PTPRN2: variants seen among roughly 807,000 people sequenced by gnomAD.
PTPRN2 encodes the protein receptor-type tyrosine-protein phosphatase N2.
PTPRN2 carries 74 observed loss-of-function variants against 118.8 expected under a neutral mutation model. The observed-to-expected ratio is 0.62, with a 90% CI of 0.52 to 0.76. The LOEUF is 0.76. Ranked by LOEUF, PTPRN2 falls within the 30% of genes least tolerant of loss-of-function variation. PTPRN2 has a pLI of 0.00. For missense variants in PTPRN2, 1,481 were observed against 1,394.4 expected, an observed-to-expected ratio of 1.06 and a Z score of -0.99; for synonymous variants, 641 against 608.0, an observed-to-expected ratio of 1.05 and a Z score of -0.80.
chr7:158,483,777 TTTTC>T (rs1028115922), intron 2 of PTPRN2, among the ~76,000 whole-genome samples: 7 of 152,242 alleles, frequency 4.6e-5, no homozygotes, highest in East Asian at 3.8e-4. Flanking sequence ...CTCAGTTCTT[TTTTC>T]TTTCTTTTAA....
At chr7:158,455,865 C>CCCATCGCTCTGCAGAGAAGATAACAGCAT (rs1563314826) in intron 2 of PTPRN2, among the ~76,000 whole-genome samples, 1 of 112,872 alleles carries the variant, frequency 8.9e-6, no homozygotes, top group Non-Finnish European at 1.9e-5. Context: ...CATAACAGCA[C>CCCATCGCTCTGCAGAGAAGATAACAGCAT]GGATGCCATC....
intron 2 of PTPRN2, among the ~76,000 whole-genome samples, chr7:158,387,581 T>TCTCTGGGTCCTG (rs1811580085): frequency 1.7e-3 from 17 of 9,756 alleles, no homozygotes; most frequent in East Asian, 3.4e-3. Flanking sequence ...CAGCTCAGCT[T>TCTCTGGGTCCTG]GGCCCGGCCA....
At chr7:157,552,851 C>T (rs941215666) in intron 21 of PTPRN2, among the ~76,000 whole-genome samples, 3 of 152,172 alleles carry the variant, frequency 2.0e-5, no homozygotes, top group Non-Finnish European at 4.4e-5. Context: ...GCCAGCCTCA[C>T]CTCTGGAGGG....
chr7:157,863,717 G>A (rs953386045), intron 12 of PTPRN2: 2 of 152,198 alleles, frequency 1.3e-5, no homozygotes, highest in African/African-American at 4.8e-5. Flanking sequence ...AGGCGATGAA[G>A]GTAAAACAAG....
intron 11 of PTPRN2, among the ~76,000 whole-genome samples, chr7:157,947,045 C>T (rs995188124): frequency 6.6e-6 from 1 of 152,186 alleles, no homozygotes; most frequent in Non-Finnish European, 1.5e-5. Context: ...TTAGCTCAGA[C>T]AGACCAAGGC....
At chr7:157,913,996 T>C (rs1476733660) in intron 11 of PTPRN2, among the ~76,000 whole-genome samples, 2 of 152,260 alleles carry the variant, frequency 1.3e-5, no homozygotes, top group Non-Finnish European at 2.9e-5. Context: ...TACAGGGCTA[T>C]TGGAGTTTTT....
chr7:157,724,382 TC>T (rs1165375389), intron 12 of PTPRN2, among the ~76,000 whole-genome samples: 4 of 152,186 alleles, frequency 2.6e-5, no homozygotes, highest in Admixed American at 6.5e-5. Context: ...AGCCATCAGG[TC>T]ACTGAAAGCT....
At chr7:157,577,839 C>T (rs1585054644) in intron 18 of PTPRN2, among the ~76,000 whole-genome samples, 182 bp downstream of exon 18, 3 of 151,842 alleles carry the variant, frequency 2.0e-5, no homozygotes, top group Admixed American at 2.0e-4. Context: ...ACATGGGGTG[C>T]GCTGAGCCTC....
intron 3 of PTPRN2, among the ~76,000 whole-genome samples, chr7:158,212,482 AT>A (rs1200082487): frequency 6.6e-6 from 1 of 152,182 alleles, no homozygotes; most frequent in African/African-American, 2.4e-5. Flanking sequence ...CTGTATCAAA[AT>A]ATCCCATGTA....
At chr7:157,644,809 A>AC (rs995164267) in intron 14 of PTPRN2, among the ~76,000 whole-genome samples, 106 of 130,558 alleles carry the variant, frequency 8.1e-4, no homozygotes, top group African/African-American at 2.7e-3. Flanking sequence ...AAACAAAAAA[A>AC]AAAAAACAAA....
intron 2 of PTPRN2, among the ~76,000 whole-genome samples, chr7:158,441,759 T>C (rs1188269447): frequency 6.4e-5 from 9 of 141,730 alleles, no homozygotes; most frequent in East Asian, 6.2e-4. Flanking sequence ...ATAGTGATAG[T>C]GATGGTCATG....
chr7:157,859,641 G>A (rs530749319), intron 12 of PTPRN2, among the ~76,000 whole-genome samples: 18 of 22,628 alleles, frequency 8.0e-4, no homozygotes, highest in African/African-American at 4.6e-3. Context: ...TGCAGGGAGA[G>A]CCCCGTCACC....
chr7:157,567,650 T>C (rs192601861), intron 21 of PTPRN2, among the ~76,000 whole-genome samples: 82 of 152,254 alleles, frequency 5.4e-4, no homozygotes, highest in African/African-American at 1.8e-3. Context: ...CTCCTGTCAC[T>C]GGGCCAGTGA....
chr7:157,907,193 C>T (rs1797820201), intron 11 of PTPRN2, among the ~76,000 whole-genome samples: 1 of 152,180 alleles, frequency 6.6e-6, no homozygotes, highest in Non-Finnish European at 1.5e-5. Context: ...GCAGTGTGGC[C>T]CGAGGGTGAG....
intron 12 of PTPRN2, among the ~76,000 whole-genome samples, chr7:157,694,232 G>A (rs1245498562): frequency 6.6e-6 from 1 of 152,232 alleles, no homozygotes; most frequent in Non-Finnish European, 1.5e-5. Context: ...ATGGGTGGGA[G>A]GTGGCACCAA....
chr7:158,085,381 TGCCCATCCACACCCACGAC>T (rs1261964601), intron 10 of PTPRN2, among the ~76,000 whole-genome samples: 51 of 11,282 alleles, frequency 4.5e-3, no homozygotes, highest in Admixed American at 7.7e-3. Flanking sequence ...CATCCACACA[TGCCCATCCACACCCACGAC>T]GCCCATCCAC....
chr7:158,585,464 G>A (rs181737237), intron 1 of PTPRN2, among the ~76,000 whole-genome samples: 94 of 152,264 alleles, frequency 6.2e-4, no homozygotes, highest in South Asian at 1.0e-3. Context: ...CAAAATAAGT[G>A]TGTCCATAAG....
intron 15 of PTPRN2, among the ~76,000 whole-genome samples, chr7:157,612,966 GAC>G (rs1315945397): frequency 6.6e-6 from 1 of 152,152 alleles, no homozygotes; most frequent in Admixed American, 6.5e-5. Flanking sequence ...GCTCCGTGAA[GAC>G]ACAGCAGCTC....
At chr7:157,980,941 T>C (rs541741630) in intron 11 of PTPRN2, among the ~76,000 whole-genome samples, 3 of 149,936 alleles carry the variant, frequency 2.0e-5, no homozygotes, top group Non-Finnish European at 4.5e-5. Flanking sequence ...GAGGGATAAG[T>C]AGCCAGTTCC....
Sources: gnomAD v4.1 joint callset for allele counts (sites outside exome capture counted in the v4.1 genomes callset) on GRCh38, gnomAD v4.1.1 for gene constraint, MANE v1.5 for transcripts, NCBI Gene and HGNC (gene_info 2026-07-23, HGNC 2026-07-21) for gene names.